Variants in RBFOX1 observed in about 807,000 individuals in gnomAD.
RBFOX1 encodes RNA binding fox-1 homolog 1, also known as RNA binding protein fox-1 homolog 1.
RBFOX1 carries 8 observed loss-of-function variants against 57.7 expected under a neutral mutation model. The ratio of observed to expected loss-of-function variants is 0.14; its 90% CI spans 0.08 to 0.25. The LOEUF (loss-of-function observed/expected upper bound fraction) is 0.25. Among genes scored for constraint, RBFOX1 ranks in the 10% least tolerant of loss-of-function variants. RBFOX1 has a pLI of 1.00. For synonymous variants in RBFOX1, 326 were observed against 222.4 expected (o/e 1.47, Z -4.15); for missense variants, 611 against 548.5 (o/e 1.11, Z -1.14).
chr16:6,106,097 T>C (rs996020894), intron 1 of RBFOX1, among the ~76,000 whole-genome samples: 3 of 151,940 alleles, frequency 2.0e-5, no homozygotes, highest in African/African-American at 7.3e-5. Flanking sequence ...AAAAGTAAAA[T>C]AATTGGCTCC....
At chr16:6,487,193 C>T (rs1202268323) in intron 2 of RBFOX1, among the ~76,000 whole-genome samples, 5 of 143,938 alleles carry the variant, frequency 3.5e-5, no homozygotes, top group Admixed American at 2.1e-4. Flanking sequence ...CCCAAAAGGC[C>T]GAAACAGCTT....
At chr16:5,478,175 G>A (rs2151636856) in intron 2 of RBFOX1, among the ~76,000 whole-genome samples, 1 of 152,286 alleles carries the variant, frequency 6.6e-6, no homozygotes, top group East Asian at 1.9e-4. Flanking sequence ...GCTTGGCGGA[G>A]TAAATTTCAG....
chr16:7,387,692 G>A (rs1291879964), intron 4 of RBFOX1, among the ~76,000 whole-genome samples: 1 of 152,202 alleles, frequency 6.6e-6, no homozygotes, highest in Non-Finnish European at 1.5e-5. Flanking sequence ...TAGGAGTGGT[G>A]TCGGTGGCAG....
chr16:6,509,840 A>T (rs1005126146), intron 2 of RBFOX1, among the ~76,000 whole-genome samples: 1 of 152,226 alleles, frequency 6.6e-6, no homozygotes, highest in African/African-American at 2.4e-5. Flanking sequence ...AACATGAAAA[A>T]TATAAAATTT....
intron 1 of RBFOX1, among the ~76,000 whole-genome samples, chr16:5,277,345 T>C (rs962294146): frequency 6.6e-6 from 1 of 152,054 alleles, no homozygotes; most frequent in Non-Finnish European, 1.5e-5. Context: ...CTATATACAT[T>C]GGGTAAACTG....
At chr16:6,643,039 A>G (rs114923805) in intron 2 of RBFOX1, among the ~76,000 whole-genome samples, 218 of 152,314 alleles carry the variant, frequency 1.4e-3, no homozygotes, top group African/African-American at 5.1e-3. Context: ...TTTGCCCTGA[A>G]GCATCTCTGC....
intron 3 of RBFOX1, among the ~76,000 whole-genome samples, chr16:5,766,917 A>G (rs529560206): frequency 3.3e-5 from 5 of 152,316 alleles, no homozygotes; most frequent in African/African-American, 1.2e-4. Flanking sequence ...CTCTACTTAT[A>G]GTTCAGTACG....
intron 4 of RBFOX1, among the ~76,000 whole-genome samples, chr16:5,961,652 T>G (rs1175267642): frequency 6.6e-6 from 1 of 152,172 alleles, no homozygotes; most frequent in Non-Finnish European, 1.5e-5. Context: ...CCCAAGCAGC[T>G]GAGAATACAG....
intron 4 of RBFOX1, among the ~76,000 whole-genome samples, chr16:7,463,765 T>A (rs2059993805): frequency 6.6e-6 from 1 of 152,172 alleles, no homozygotes; most frequent in African/African-American, 2.4e-5. Context: ...ATCACAATGA[T>A]AAATGTTAGC....
chr16:7,025,795 G>A (rs1275722667), intron 3 of RBFOX1, among the ~76,000 whole-genome samples: 7 of 152,248 alleles, frequency 4.6e-5, no homozygotes, highest in Non-Finnish European at 1.0e-4. Context: ...AGCAGATGGC[G>A]CTGCAGGGAT....
chr16:7,279,520 C>A (rs150819606), intron 4 of RBFOX1, among the ~76,000 whole-genome samples: 1 of 152,172 alleles, frequency 6.6e-6, no homozygotes, highest in Non-Finnish European at 1.5e-5. Context: ...CAGCCCTGTC[C>A]TATTGGTGCT....
intron 3 of RBFOX1, among the ~76,000 whole-genome samples, chr16:6,695,881 C>T (rs1395778758): frequency 6.6e-6 from 1 of 152,108 alleles, no homozygotes; most frequent in Non-Finnish European, 1.5e-5. Context: ...CTCCATATGG[C>T]CGTGAATCTA....
chr16:6,647,118 T>G (rs1008593755), intron 2 of RBFOX1, among the ~76,000 whole-genome samples: 6 of 152,162 alleles, frequency 3.9e-5, no homozygotes, highest in African/African-American at 1.4e-4. Context: ...CTTCCTGGCT[T>G]GTAGTCAGTC....
At chr16:6,618,342 T>G (rs2154032304) in intron 2 of RBFOX1, among the ~76,000 whole-genome samples, 1 of 152,320 alleles carries the variant, frequency 6.6e-6, no homozygotes, top group South Asian at 2.1e-4. Flanking sequence ...TTTCAAGCCC[T>G]TAGCATATAT....
At chr16:6,627,800 T>C (rs927354507) in intron 2 of RBFOX1, among the ~76,000 whole-genome samples, 14 of 152,140 alleles carry the variant, frequency 9.2e-5, no homozygotes, top group African/African-American at 3.1e-4. Flanking sequence ...ATGCTGTGTG[T>C]GCCCTACAAG....
At chr16:7,345,369 C>G (rs528114471) in intron 4 of RBFOX1, among the ~76,000 whole-genome samples, 1 of 152,120 alleles carries the variant, frequency 6.6e-6, no homozygotes, top group South Asian at 2.1e-4. Flanking sequence ...ATGGACCGTC[C>G]GATGACCATC....
intron 3 of RBFOX1, among the ~76,000 whole-genome samples, chr16:6,900,121 GTTTTTC>G (rs1370100839): frequency 6.6e-6 from 1 of 151,726 alleles, no homozygotes; most frequent in African/African-American, 2.4e-5. Flanking sequence ...GTTTATTTGA[GTTTTTC>G]TTTAGTTATT....
intron 4 of RBFOX1, among the ~76,000 whole-genome samples, chr16:5,949,427 G>A (rs2059472632): frequency 6.6e-6 from 1 of 151,204 alleles, no homozygotes; most frequent in South Asian, 2.1e-4. Context: ...TCGGGAGGCT[G>A]AGGCAGGAGA....
chr16:6,759,848 T>G (rs532841456), intron 3 of RBFOX1, among the ~76,000 whole-genome samples: 2 of 152,246 alleles, frequency 1.3e-5, no homozygotes, highest in South Asian at 4.1e-4. Flanking sequence ...CAGTGGAAAA[T>G]TACCCAAATG....
Sources: allele counts gnomAD v4.1 joint callset (sites outside exome capture counted in the v4.1 genomes callset), GRCh38; gene constraint gnomAD v4.1.1; transcripts MANE v1.5; gene names NCBI Gene and HGNC (gene_info 2026-07-23, HGNC 2026-07-21).